MARCHF10: variants seen among roughly 807,000 people sequenced by gnomAD.
The protein encoded by MARCHF10 is membrane associated ring-CH-type finger 10.
Under a neutral mutation model 76.2 loss-of-function variants are expected in MARCHF10, and 64 were observed. The observed-to-expected ratio is 0.84, with a 90% CI of 0.69 to 1.03. The LOEUF is 1.03. Among genes scored for constraint, MARCHF10 ranks in the 50% least tolerant of loss-of-function variants. The pLI is 0.00. For synonymous variants in MARCHF10, 340 were observed against 357.5 expected, an observed-to-expected ratio of 0.95 and a Z score of 0.55; for missense variants, 875 against 958.0, an observed-to-expected ratio of 0.91 and a Z score of 1.14.
rs540890917 is a variant in MARCHF10 at position 62,799,576 on chromosome 17, C to T, written c.90+2070G>A. 1.2e-4 allele frequency among the ~76,000 whole-genome samples: 19 copies of T among 152,112 alleles called. No homozygotes were observed. In the East Asian group the frequency reaches 1.9e-3, roughly 16 times the overall value. ...CAGCCTGACCAACATGGAGAAACCC[C>T]GTCTCTACTAAAAATACAAAATTAG... On this transcript the variant is annotated intron_variant, in intron 2 of 10. Coordinates refer to ENST00000311269, the MANE Select transcript of MARCHF10 (RefSeq NM_152598.4).
At chr17:62,767,422 A>AAAAGCTTTG (rs1005471675) in intron 3 of MARCHF10, among the ~76,000 whole-genome samples, 3 of 151,486 alleles carry the variant, frequency 2.0e-5, no homozygotes, top group African/African-American at 7.2e-5. Context: ...ACCTTGAAAT[A>AAAAGCTTTG]AAAGCTTTGA....
intron 8 of MARCHF10, among the ~76,000 whole-genome samples, chr17:62,721,016 C>A (rs1392708844): frequency 6.6e-6 from 1 of 151,882 alleles, no homozygotes; most frequent in South Asian, 2.1e-4. Context: ...TACAGGCATG[C>A]GCCACCACGC....
At chr17:62,773,889 T>C (rs1568190772) in intron 3 of MARCHF10, among the ~76,000 whole-genome samples, 1 of 152,336 alleles carries the variant, frequency 6.6e-6, no homozygotes, top group South Asian at 2.1e-4. Flanking sequence ...TGAGTGACTT[T>C]TCTCCAGCAG....
chr17:62,733,775 T>C (rs898950295), intron 6 of MARCHF10, among the ~76,000 whole-genome samples: 1 of 152,130 alleles, frequency 6.6e-6, no homozygotes, highest in Non-Finnish European at 1.5e-5. Flanking sequence ...AATATATCAA[T>C]AAGGATGCAT....
chr17:62,713,567 C>T (rs2090041041), intron 8 of MARCHF10, among the ~76,000 whole-genome samples: 1 of 152,224 alleles, frequency 6.6e-6, no homozygotes, highest in South Asian at 2.1e-4. Context: ...GACAAAGGGG[C>T]TCAGCCCACC....
chr17:62,727,910 C>G (rs551132095), intron 6 of MARCHF10, among the ~76,000 whole-genome samples: 1 of 152,340 alleles, frequency 6.6e-6, no homozygotes, highest in African/African-American at 2.4e-5. Flanking sequence ...AGAACTGCTT[C>G]AGCACGAGGG....
chr17:62,794,224 C>T (rs557999795), intron 2 of MARCHF10, among the ~76,000 whole-genome samples: 3 of 152,102 alleles, frequency 2.0e-5, no homozygotes, highest in Non-Finnish European at 2.9e-5. Flanking sequence ...CCACCTCCAC[C>T]ACCACCACAT....
intron 7 of MARCHF10, among the ~76,000 whole-genome samples, chr17:62,723,849 C>T (rs1021441554): frequency 1.3e-5 from 2 of 152,072 alleles, no homozygotes; most frequent in African/African-American, 4.8e-5. Flanking sequence ...TATGGATATG[C>T]GTTTAAGCAT....
Position 62,724,922 on chromosome 17 carries a change from T to C in MARCHF10, c.2104+16A>G, listed in dbSNP as rs2090677748. On this transcript the variant is annotated intron_variant, in intron 7 of 10. Coordinates refer to ENST00000311269, the MANE Select transcript of MARCHF10 (RefSeq NM_152598.4). ...ACATGTCGTGGCACGTTCACTGCACTTCCTTCCCCACCTACCTGATGTTAT... is the reference window on the plus strand; with the variant it reads ...ACATGTCGTGGCACGTTCACTGCACCTCCTTCCCCACCTACCTGATGTTAT... 1.9e-6 allele frequency: 3 copies of C among 1,610,164 alleles called. No homozygotes were observed. The highest frequency in any genetic ancestry group is 2.5e-6 in the Non-Finnish European group (3 of 1,178,576).
At chr17:62,751,882 T>G (rs569032621) in intron 4 of MARCHF10, among the ~76,000 whole-genome samples, 1 of 152,070 alleles carries the variant, frequency 6.6e-6, no homozygotes, top group Non-Finnish European at 1.5e-5. Context: ...TAGCCGGGCA[T>G]GGTGGCGCAT....
intron 8 of MARCHF10, among the ~76,000 whole-genome samples, chr17:62,714,631 C>T (rs1295247597): frequency 1.3e-5 from 2 of 152,170 alleles, no homozygotes; most frequent in East Asian, 1.9e-4. Context: ...ATGGATCAGA[C>T]AGTGACCCAT....
chr17:62,782,839 T>C (rs993839719), intron 3 of MARCHF10, among the ~76,000 whole-genome samples: 12 of 152,168 alleles, frequency 7.9e-5, no homozygotes, highest in African/African-American at 2.9e-4. Context: ...AGAGCACAAG[T>C]TGAATGGCTG....
Position 62,711,414 on chromosome 17 carries a change from G to A in MARCHF10, c.2215-70C>T. On this transcript the variant is annotated intron_variant, in intron 8 of 10. Transcript: ENST00000311269. This position sits in a 1 kb window ranked among gnomAD's most constrained non-coding sequence, Gnocchi z 4.4. Reference sequence around the variant, plus strand: ...CATGGTCTAAATTGTGGGATGCAGGGTAACAAGGCTAAGAGGTGACAAGAA... The same window carrying A: ...CATGGTCTAAATTGTGGGATGCAGGATAACAAGGCTAAGAGGTGACAAGAA... 7.0e-7 allele frequency: 1 copy of A among 1,435,974 alleles called. No individual in the cohort carries two copies. 89.0% of individuals were successfully genotyped at this position (1,435,974 alleles called of 1,614,324 possible). A position where few individuals can be genotyped will look rare whatever the true frequency, so the allele number is the denominator to read the frequency against.
intron 4 of MARCHF10, among the ~76,000 whole-genome samples, chr17:62,758,263 C>A (rs903254697): frequency 3.9e-5 from 6 of 151,964 alleles, no homozygotes; most frequent in Admixed American, 1.3e-4. Flanking sequence ...ACCCGGAAAT[C>A]GCTTGAACCG....
At chr17:62,752,260 T>C (rs2091918980) in intron 4 of MARCHF10, among the ~76,000 whole-genome samples, 1 of 152,128 alleles carries the variant, frequency 6.6e-6, no homozygotes, top group Non-Finnish European at 1.5e-5. Flanking sequence ...TCTTACTCCA[T>C]CCACTCAGGG....
At chr17:62,753,777 C>T (rs2091964035) in intron 4 of MARCHF10, among the ~76,000 whole-genome samples, 1 of 152,216 alleles carries the variant, frequency 6.6e-6, no homozygotes, top group Admixed American at 6.5e-5. Flanking sequence ...CAGGGTGCGC[C>T]TTGCACTATC....
Position 62,744,458 on chromosome 17 carries a change from T to C in MARCHF10, c.453A>G (p.Glu151=), listed in dbSNP as rs1568148677. 1 of 1,614,224 alleles carries C rather than the reference T, an allele frequency of 6.2e-7. No homozygotes were observed. Among genetic ancestry groups the C allele is most frequent in the Non-Finnish European group, 8.5e-7 (1 of 1,180,046 alleles). ...PNLRRFTVSP[E]SHSPRASGDR... ...CCCCAGATGCTCTCGGGCTGTGCGA[T>C]TCTGGGCTGACTGTAAATCTCCTCA... Residue 151 remains glutamate, a synonymous_variant, in exon 5 of 11, where the codon GAA becomes GAG. Coordinates refer to ENST00000311269, the MANE Select transcript of MARCHF10 (RefSeq NM_152598.4).
chr17:62,731,321 A>G (rs768975146), intron 6 of MARCHF10, among the ~76,000 whole-genome samples: 12 of 152,142 alleles, frequency 7.9e-5, no homozygotes, highest in Non-Finnish European at 1.6e-4. Flanking sequence ...GGAGTCCAGT[A>G]GGGCCATCTC....
At chr17:62,793,508 TCACCAC>T (rs372696358) in intron 2 of MARCHF10, among the ~76,000 whole-genome samples, 2 of 37,208 alleles carry the variant, frequency 5.4e-5, no homozygotes, top group African/African-American at 1.6e-4. Context: ...ACCACCTCCA[TCACCAC>T]CACCACCACC....
Sources: gnomAD v4.1 joint callset for allele counts (sites outside exome capture counted in the v4.1 genomes callset) on GRCh38, gnomAD v4.1.1 for gene constraint, Gnocchi (gnomAD v3.1) non-coding constraint, MANE v1.5 for transcripts, NCBI Gene and HGNC (gene_info 2026-07-23, HGNC 2026-07-21) for gene names.